Variants in KCNQ1 observed in about 807,000 individuals in gnomAD.
The protein encoded by KCNQ1 is potassium voltage-gated channel subfamily KQT member 1.
A neutral mutation model predicts 72.4 loss-of-function variants in KCNQ1; 49 were observed. The observed-to-expected ratio is 0.68, with a 90% CI of 0.54 to 0.86. The LOEUF (loss-of-function observed/expected upper bound fraction) is 0.86. KCNQ1 is among the 40% of genes least tolerant of loss of function. The probability of loss-of-function intolerance (pLI) is 0.00; values close to 1 mark genes in which losing one functional copy is unlikely to be tolerated. For missense variants in KCNQ1, 790 were observed against 945.1 expected, an observed-to-expected ratio of 0.84 and a Z score of 2.15; for synonymous variants, 450 against 412.6, an observed-to-expected ratio of 1.09 and a Z score of -1.10.
At chr11:2,729,990 G>A (rs547355835) in intron 11 of KCNQ1, among the ~76,000 whole-genome samples, 2 of 152,192 alleles carry the variant, frequency 1.3e-5, no homozygotes, top group Non-Finnish European at 2.9e-5. Flanking sequence ...GCCCTGAAGT[G>A]GGGATGGGCC....
At chr11:2,607,996 A>G (rs1257541931) in intron 10 of KCNQ1, among the ~76,000 whole-genome samples, 4 of 152,262 alleles carry the variant, frequency 2.6e-5, no homozygotes, top group Non-Finnish European at 5.9e-5. Flanking sequence ...TTACAACATC[A>G]AGAAAGCATA....
chr11:2,461,508 C>T (rs1846277462), intron 1 of KCNQ1: 1 of 1,322,044 alleles, frequency 7.6e-7, no homozygotes, highest in South Asian at 1.2e-5. Flanking sequence ...GTCTTTGCGC[C>T]TGCACATGTG....
At position 2,661,953 on chromosome 11, in the gene KCNQ1, C is replaced by T. The variant is rs371488379; in HGVS notation, c.1394-8C>T. 1.4e-4 allele frequency: 229 copies of T among 1,614,202 alleles called. 1 individual carries two copies. Among genetic ancestry groups the T allele is most frequent in the Middle Eastern group, 1.3e-3 (8 of 6,062 alleles). On this transcript the variant is annotated splice_region_variant and splice_polypyrimidine_tract_variant and intron_variant, in intron 10 of 15. Transcript: ENST00000155840. The surrounding 1 kb of genome is among the most constrained non-coding windows in gnomAD (Gnocchi z 5.9). ...GCCTAACGTGCTGTCCCCACACTTT[C>T]TCCTCAGTAAGGAAGAGCCCAACAC...
chr11:2,772,063 G>A lies in KCNQ1; in HGVS notation c.1590+3144G>A, dbSNP rs929972415. On this transcript the variant is annotated intron_variant, in intron 12 of 15. Coordinates refer to ENST00000155840, the MANE Select transcript of KCNQ1 (RefSeq NM_000218.3). The surrounding 1 kb of genome is among the most constrained non-coding windows in gnomAD (Gnocchi z 6.6). The stretch of plus-strand genomic sequence containing the variant: ...GCACAAAGCCGCTGGGGCTCCCTCC[G>A]ACCTCACCAGCTGGCTCTTATTGCT... Among the ~76,000 whole-genome samples, 10 of 152,176 alleles carry A rather than the reference G, an allele frequency of 6.6e-5. No homozygotes were observed. The highest frequency in any genetic ancestry group is 1.5e-4 in the Non-Finnish European group (10 of 68,028).
In KCNQ1 at chr11:2,473,550, A is replaced by G. The variant is rs1846523825; in HGVS notation, c.386+28066A>G. Among the ~76,000 whole-genome samples, 1 of 152,238 alleles carries G rather than the reference A, an allele frequency of 6.6e-6. No individual in the cohort carries two copies. The highest frequency in any genetic ancestry group is 1.5e-5 in the Non-Finnish European group (1 of 68,042). ...GTCGTTGAGTCCCCTGCCGTGGGAC[A>G]GCGCTCAGCATGGCACAGACGCTCA... On this transcript the variant is annotated intron_variant, in intron 1 of 15. Transcript: ENST00000155840. This position sits in a 1 kb window ranked among gnomAD's most constrained non-coding sequence, Gnocchi z 6.0.
In KCNQ1 at chr11:2,457,314, A is replaced by T. The variant is rs2133576285; in HGVS notation, c.386+11830A>T. Among the ~76,000 whole-genome samples, 1 of 152,334 alleles carries T rather than the reference A, an allele frequency of 6.6e-6. No homozygotes were observed. Among genetic ancestry groups the T allele is most frequent in the South Asian group, 2.1e-4 (1 of 4,828 alleles). On this transcript the variant is annotated intron_variant, in intron 1 of 15. Transcript: ENST00000155840. This position sits in a 1 kb window ranked among gnomAD's most constrained non-coding sequence, Gnocchi z 5.0. ...GTGTGCTGAGTTTATACCCAAAGAA[A>T]AATTAGTCGTTCTACCAAAAAGACA... is the stretch of plus-strand genomic sequence containing the variant.
In KCNQ1 at chr11:2,617,183, ATATAT is replaced by A; in HGVS notation, c.1393+28330_1393+28334del. On this transcript the variant is annotated intron_variant, in intron 10 of 15. Coordinates refer to ENST00000155840, the MANE Select transcript of KCNQ1 (RefSeq NM_000218.3). The surrounding 1 kb of genome is among the most constrained non-coding windows in gnomAD (Gnocchi z 4.6). The stretch of plus-strand genomic sequence containing the variant: ...TGAGATCTCTAGACTTGTTCATCCT[ATATAT>A]CTGCTACTTGGTATCCTTTGACCTA... 2 of 398,182 alleles carry A rather than the reference ATATAT, an allele frequency of 5.0e-6. No homozygotes were observed. Among genetic ancestry groups the A allele is most frequent in the Non-Finnish European group, 8.9e-6 (2 of 225,858 alleles). The allele number at this position is 398,182 out of a possible 1,614,324, so 24.7% of individuals were successfully genotyped here. A position where few individuals can be genotyped will look rare whatever the true frequency, so the allele number is the denominator to read the frequency against.
At chr11:2,489,707 T>G (rs1846803213) in intron 1 of KCNQ1, among the ~76,000 whole-genome samples, 1 of 152,198 alleles carries the variant, frequency 6.6e-6, no homozygotes, top group Admixed American at 6.5e-5. Flanking sequence ...GAGAGGACAC[T>G]GGGCAGAGTC....
intron 9 of KCNQ1, 49 bp downstream of exon 9, chr11:2,587,741 G>A (rs765554652): frequency 1.9e-6 from 3 of 1,612,376 alleles, no homozygotes; most frequent in African/African-American, 1.3e-5. Flanking sequence ...CTAGCAGGTG[G>A]GGAGGCCGTG....
At chr11:2,615,408 T>C (rs1439514402) in intron 10 of KCNQ1, 1 of 397,934 alleles carries the variant, frequency 2.5e-6, no homozygotes, top group Non-Finnish European at 4.4e-6. Context: ...TTTATCTGCC[T>C]AATTGTCATG....
chr11:2,801,573 G>A (rs891105339), intron 15 of KCNQ1, among the ~76,000 whole-genome samples: 1 of 152,180 alleles, frequency 6.6e-6, no homozygotes, highest in African/African-American at 2.4e-5. Context: ...GAGTCCTATG[G>A]GACCAAGGCC....
intron 11 of KCNQ1, among the ~76,000 whole-genome samples, chr11:2,751,800 C>G (rs1461248863): frequency 6.6e-6 from 1 of 152,266 alleles, no homozygotes; most frequent in Non-Finnish European, 1.5e-5. Flanking sequence ...CGCCCTGTCC[C>G]CTACACAGAG....
chr11:2,528,652 G>A (rs766816555), intron 2 of KCNQ1, among the ~76,000 whole-genome samples: 19 of 152,280 alleles, frequency 1.2e-4, no homozygotes, highest in Admixed American at 4.6e-4. Context: ...AATGTGGGCC[G>A]TGAGCAGCAG....
chr11:2,639,660 G>C (rs951438444), intron 10 of KCNQ1: 23 of 152,458 alleles, frequency 1.5e-4, no homozygotes, highest in African/African-American at 5.5e-4. Context: ...TCGGGGGTCA[G>C]GGACCCACTT....
At chr11:2,844,278 G>A (rs1848273992) in intron 15 of KCNQ1, among the ~76,000 whole-genome samples, 1 of 152,228 alleles carries the variant, frequency 6.6e-6, no homozygotes, top group South Asian at 2.1e-4. Flanking sequence ...AAGGGGGGCA[G>A]CAGCATGATG....
intron 10 of KCNQ1, among the ~76,000 whole-genome samples, chr11:2,589,900 G>T (rs888737225): frequency 6.6e-6 from 1 of 152,174 alleles, no homozygotes; most frequent in Non-Finnish European, 1.5e-5. Flanking sequence ...GGGCAGGACC[G>T]TGAACTGGGT....
At chr11:2,791,773 A>T (rs913801193) in intron 15 of KCNQ1, among the ~76,000 whole-genome samples, 4 of 133,866 alleles carry the variant, frequency 3.0e-5, no homozygotes, top group African/African-American at 1.1e-4. Context: ...CGGCAGGTGG[A>T]TGCCCAGGTC....
intron 10 of KCNQ1, among the ~76,000 whole-genome samples, chr11:2,594,970 G>A (rs1272987846): frequency 1.3e-5 from 2 of 152,110 alleles, no homozygotes; most frequent in East Asian, 3.9e-4. Flanking sequence ...TTTGTTTGTG[G>A]GGTTCCTATG....
chr11:2,597,707 A>G (rs1264643077), intron 10 of KCNQ1, among the ~76,000 whole-genome samples: 27 of 152,236 alleles, frequency 1.8e-4, no homozygotes, highest in Admixed American at 1.8e-3. Flanking sequence ...ATTGAGTTGT[A>G]AAACCATCTG....
Sources: allele counts gnomAD v4.1 joint callset (sites outside exome capture counted in the v4.1 genomes callset), GRCh38; gene constraint gnomAD v4.1.1; non-coding constraint Gnocchi (gnomAD v3.1); transcripts MANE v1.5; gene names NCBI Gene and HGNC (gene_info 2026-07-23, HGNC 2026-07-21).